The following POC1B variants were observed in gnomAD, a reference collection of about 807,000 sequenced individuals.
POC1B encodes the protein POC1 centriolar protein B.
In POC1B, 44 loss-of-function variants were observed where a neutral mutation model predicts 60.6. The observed-to-expected ratio is 0.73, with a 90% CI of 0.57 to 0.93. POC1B has a LOEUF of 0.93. Ranked by LOEUF, POC1B falls within the 40% of genes least tolerant of loss-of-function variation. POC1B has a pLI of 0.00. For missense variants in POC1B, 555 were observed against 572.3 expected (o/e 0.97, Z 0.31); for synonymous variants, 180 against 198.9 (o/e 0.90, Z 0.80).
chr12:89,453,342 T>C (rs919136744), intron 10 of POC1B, among the ~76,000 whole-genome samples: 4 of 152,182 alleles, frequency 2.6e-5, no homozygotes, highest in African/African-American at 7.2e-5. Flanking sequence ...AAAAAGTCTC[T>C]TAACTCTTAA....
At chr12:89,478,162 T>C (rs1331600861) in intron 4 of POC1B, among the ~76,000 whole-genome samples, 3 of 152,212 alleles carry the variant, frequency 2.0e-5, no homozygotes, top group South Asian at 4.1e-4. Context: ...CAGGCTGGAG[T>C]GCAATGGCGG....
chr12:89,522,804 T>C, intron 2 of POC1B: 2 of 1,560,822 alleles, frequency 1.3e-6, no homozygotes, highest in Non-Finnish European at 1.7e-6. Context: ...ACGAAAGTGC[T>C]GTTGTGCTCT....
rs567774842 is a variant in POC1B at position 89,484,294 on chromosome 12, A to C, written c.452+7642T>G. Among the ~76,000 whole-genome samples the C allele has an allele frequency of 2.0e-5, 3 of 152,362 alleles. No homozygotes were observed. The South Asian group carries it at 6.2e-4, about 32-fold the overall frequency. ...TAAATCCAATCACAGGACTGATTAC[A>C]TAAATTTAAACAGACTAAGAACTCC... On this transcript the variant is annotated intron_variant, in intron 4 of 11. Transcript: ENST00000313546.
intron 10 of POC1B, among the ~76,000 whole-genome samples, chr12:89,437,749 AT>A (rs1339716474): frequency 1.3e-5 from 2 of 152,172 alleles, no homozygotes; most frequent in African/African-American, 4.8e-5. Flanking sequence ...AATTTACTAA[AT>A]AAGATTTTAA....
chr12:89,522,917 CTGAG>C, intron 2 of POC1B: 2 of 1,614,036 alleles, frequency 1.2e-6, no homozygotes, highest in Non-Finnish European at 1.7e-6. Flanking sequence ...AGACACAGTC[CTGAG>C]TGTGGGTGAA....
intron 11 of POC1B, among the ~76,000 whole-genome samples, chr12:89,421,747 C>A (rs969568251): frequency 1.3e-5 from 2 of 152,144 alleles, no homozygotes; most frequent in Non-Finnish European, 2.9e-5. Context: ...TTGAAAATAT[C>A]CTAACAATCG....
chr12:89,440,083 G>A (rs138542705), intron 10 of POC1B, among the ~76,000 whole-genome samples: 23 of 152,158 alleles, frequency 1.5e-4, no homozygotes, highest in East Asian at 1.4e-3. Flanking sequence ...CCTAGTGTCC[G>A]ACACGTTCAT....
At chr12:89,407,760 C>T in the POC1B span, among the ~76,000 whole-genome samples, 2 of 152,134 alleles carry the variant, frequency 1.3e-5, no homozygotes, top group African/African-American at 4.8e-5. Context: ...TACAATGAGG[C>T]TAAAACACCA....
At chr12:89,497,575 C>T (rs980925955) in intron 2 of POC1B, among the ~76,000 whole-genome samples, 2 of 152,242 alleles carry the variant, frequency 1.3e-5, no homozygotes, top group East Asian at 3.9e-4. Context: ...GACTGGCCCC[C>T]GTATTCAATT....
chr12:89,523,051 GTCACAGAATT>G, intron 2 of POC1B: 1 of 1,613,774 alleles, frequency 6.2e-7, no homozygotes, highest in Non-Finnish European at 8.5e-7. Flanking sequence ...ACATAACTCT[GTCACAGAATT>G]AAACCTTATT....
Position 89,466,908 on chromosome 12 carries a change from C to T in POC1B, c.894G>A (p.Arg298=), listed in dbSNP as rs1882706899. The change falls in exon 9 of 12, where the codon AGG becomes AGA. Residue 298 remains arginine, a synonymous_variant. Coordinates refer to ENST00000313546, the MANE Select transcript of POC1B (RefSeq NM_172240.3). The part of the protein sequence containing the change: ...GGADTQVLLW[R]TNFDELHCKG... ...TACAATGCAATTCATCAAAGTTAGT[C>T]CTCCATAATAAGACCTATGAAAAAA... 8 of 1,611,852 alleles carry T rather than the reference C, an allele frequency of 5.0e-6. No individual in the cohort carries two copies. Among genetic ancestry groups the T allele is most frequent in the Middle Eastern group, 3.3e-4 (2 of 6,018 alleles).
At chr12:89,417,565 C>G (rs1204647529), downstream of POC1B, among the ~76,000 whole-genome samples, 1 of 152,126 alleles carries the variant, frequency 6.6e-6, no homozygotes, top group African/African-American at 2.4e-5. Context: ...GAGAAGTTAT[C>G]TTTTTTAAAA....
At chr12:89,429,084 T>C (rs1178409761) in intron 10 of POC1B, 1 of 151,938 alleles carries the variant, frequency 6.6e-6, no homozygotes, top group African/African-American at 2.4e-5. Flanking sequence ...GAAAGGACAA[T>C]AGGAAAATTG....
At chr12:89,482,391 G>A (rs1330733034) in intron 4 of POC1B, among the ~76,000 whole-genome samples, 3 of 152,032 alleles carry the variant, frequency 2.0e-5, no homozygotes, top group Non-Finnish European at 4.4e-5. Flanking sequence ...AGAAAGAGAT[G>A]AGAAAGAAAT....
At chr12:89,514,477 C>T (rs1179707437) in intron 2 of POC1B, among the ~76,000 whole-genome samples, 1 of 124,744 alleles carries the variant, frequency 8.0e-6, no homozygotes, top group Non-Finnish European at 1.6e-5. Context: ...GGCATGATCT[C>T]GGCTCATTGC....
At chr12:89,514,398 A>ATTTC (rs1870339328) in intron 2 of POC1B, among the ~76,000 whole-genome samples, 5 of 37,868 alleles carry the variant, frequency 1.3e-4, no homozygotes, top group African/African-American at 2.9e-4. Flanking sequence ...AGTTTCATGT[A>ATTTC]TTTCTTTTTT....
intron 4 of POC1B, among the ~76,000 whole-genome samples, chr12:89,480,563 T>TG (rs1883285083): frequency 1.3e-5 from 2 of 148,706 alleles, no homozygotes; most frequent in South Asian, 4.3e-4. Context: ...TGGGAATACA[T>TG]GTGTGCGCCA....
intron 9 of POC1B, among the ~76,000 whole-genome samples, chr12:89,464,979 G>C (rs1054042889): frequency 6.6e-6 from 1 of 152,038 alleles, no homozygotes; most frequent in African/African-American, 2.4e-5. Flanking sequence ...TGTACACAGA[G>C]GCTGACTACC....
intron 10 of POC1B, among the ~76,000 whole-genome samples, chr12:89,431,696 T>G (rs985852905): frequency 6.6e-6 from 1 of 152,258 alleles, no homozygotes; most frequent in Non-Finnish European, 1.5e-5. Context: ...ATTTAGCACC[T>G]ATGTGCCAGG....
Sources: allele counts gnomAD v4.1 joint callset (sites outside exome capture counted in the v4.1 genomes callset), GRCh38; gene constraint gnomAD v4.1.1; transcripts MANE v1.5; gene names NCBI Gene and HGNC (gene_info 2026-07-23, HGNC 2026-07-21).